CDH13: variants seen among roughly 807,000 people sequenced by gnomAD.
CDH13 encodes the protein cadherin 13.
A neutral mutation model predicts 63.8 loss-of-function variants in CDH13; 24 were observed. The observed-to-expected ratio is 0.38, with a 90% CI of 0.27 to 0.53. CDH13 has a LOEUF of 0.53. Ranked by LOEUF, CDH13 falls within the 20% of genes least tolerant of loss-of-function variation. The pLI, the probability that CDH13 is intolerant of heterozygous loss-of-function variation, is 0.85. For synonymous variants in CDH13, 503 were observed against 355.3 expected (o/e 1.42, Z -4.67); for missense variants, 1,049 against 903.1 (o/e 1.16, Z -2.07).
intron 8 of CDH13, among the ~76,000 whole-genome samples, chr16:83,629,635 A>C (rs1170892162): frequency 6.6e-6 from 1 of 152,198 alleles, no homozygotes; most frequent in Non-Finnish European, 1.5e-5. Flanking sequence ...TCTTTGCCTT[A>C]GAAAAAAAAT....
At chr16:83,143,833 C>T (rs906592924) in intron 4 of CDH13, among the ~76,000 whole-genome samples, 1 of 152,038 alleles carries the variant, frequency 6.6e-6, no homozygotes, top group Admixed American at 6.6e-5. Flanking sequence ...CTCTGCCTGA[C>T]TCTATTAAGA....
At chr16:83,000,518 G>C (rs1481839060) in intron 2 of CDH13, among the ~76,000 whole-genome samples, 3 of 149,654 alleles carry the variant, frequency 2.0e-5, no homozygotes, top group Non-Finnish European at 4.4e-5. Context: ...AAAGTGCTAG[G>C]ATTACAGGTG....
chr16:83,444,975 A>G (rs2072630050), intron 6 of CDH13, among the ~76,000 whole-genome samples: 1 of 152,200 alleles, frequency 6.6e-6, no homozygotes, highest in Non-Finnish European at 1.5e-5. Context: ...AAAGGATGGC[A>G]TTGTTTATCC....
At chr16:83,278,824 G>C (rs2089073496) in intron 5 of CDH13, among the ~76,000 whole-genome samples, 1 of 152,204 alleles carries the variant, frequency 6.6e-6, no homozygotes, top group Admixed American at 6.5e-5. Flanking sequence ...AGGCTGAAAA[G>C]AGAAGCAGTG....
chr16:83,046,693 A>G (rs1917814221), intron 3 of CDH13, among the ~76,000 whole-genome samples: 1 of 152,136 alleles, frequency 6.6e-6, no homozygotes, highest in Non-Finnish European at 1.5e-5. Flanking sequence ...CTCAGAGGCA[A>G]AAGGGCTCAA....
At chr16:83,678,160 C>T in intron 9 of CDH13, 48 bp from the exon 10 acceptor site, 6 of 1,568,704 alleles carry the variant, frequency 3.8e-6, no homozygotes, top group Admixed American at 1.8e-5. Context: ...AAACCACCTG[C>T]CTTTTGTGGC....
At chr16:82,627,577 C>G (rs1029531597) in intron 1 of CDH13, among the ~76,000 whole-genome samples, 4 of 152,098 alleles carry the variant, frequency 2.6e-5, no homozygotes, top group African/African-American at 9.7e-5. Context: ...AAGCGCTGCT[C>G]GGGTCCGGAT....
chr16:82,762,113 C>T (rs186271989), intron 1 of CDH13, among the ~76,000 whole-genome samples: 12 of 152,264 alleles, frequency 7.9e-5, no homozygotes, highest in African/African-American at 2.6e-4. Flanking sequence ...GAGAGAGTAC[C>T]TTGGACTGCT....
At chr16:82,724,843 T>C (rs2033000064) in intron 1 of CDH13, among the ~76,000 whole-genome samples, 1 of 152,132 alleles carries the variant, frequency 6.6e-6, no homozygotes. Flanking sequence ...GTCAGACTGA[T>C]CGTACACCCT....
chr16:83,659,147 G>T (rs918140083), intron 8 of CDH13, among the ~76,000 whole-genome samples: 1 of 146,404 alleles, frequency 6.8e-6, no homozygotes, highest in Non-Finnish European at 1.5e-5. Context: ...CACCAGCAAG[G>T]TCCCATGTCC....
At chr16:83,479,201 G>T (rs190092046) in intron 6 of CDH13, among the ~76,000 whole-genome samples, 41 of 151,870 alleles carry the variant, frequency 2.7e-4, no homozygotes, top group Admixed American at 2.3e-3. Flanking sequence ...TTCCTAACAA[G>T]ATTTTAAGTA....
chr16:83,419,048 C>T (rs1314505468), intron 6 of CDH13, among the ~76,000 whole-genome samples: 3 of 152,156 alleles, frequency 2.0e-5, no homozygotes, highest in African/African-American at 7.2e-5. Context: ...CCAAGCAGCA[C>T]TCTGTGCCCT....
chr16:82,802,086 C>A (rs2036886826), intron 1 of CDH13, among the ~76,000 whole-genome samples: 1 of 144,368 alleles, frequency 6.9e-6, no homozygotes, highest in African/African-American at 2.7e-5. Context: ...ACTGGGGCAG[C>A]TCACTGGGTT....
chr16:83,690,522 C>T (rs1474141457), intron 10 of CDH13, among the ~76,000 whole-genome samples: 1 of 151,984 alleles, frequency 6.6e-6, no homozygotes, highest in African/African-American at 2.4e-5. Context: ...GAAATGAGGC[C>T]GATGCTCCGG....
At chr16:82,959,511 C>G (rs1244058629) in intron 2 of CDH13, among the ~76,000 whole-genome samples, 1 of 152,134 alleles carries the variant, frequency 6.6e-6, no homozygotes, top group Non-Finnish European at 1.5e-5. Flanking sequence ...AGGCTCACAG[C>G]CCCTTCCTTC....
At chr16:83,447,472 G>T (rs2072742640) in intron 6 of CDH13, among the ~76,000 whole-genome samples, 3 of 152,086 alleles carry the variant, frequency 2.0e-5, no homozygotes, top group Admixed American at 2.0e-4. Flanking sequence ...CTGTGGATCA[G>T]GACTGTGGAA....
intron 6 of CDH13, among the ~76,000 whole-genome samples, chr16:83,432,871 CA>C (rs2072166462): frequency 6.6e-6 from 1 of 152,186 alleles, no homozygotes; most frequent in African/African-American, 2.4e-5. Context: ...GTGTAGTGTT[CA>C]AAGAAAACTT....
At chr16:82,656,782 T>G (rs1911344859) in intron 1 of CDH13, among the ~76,000 whole-genome samples, 1 of 152,190 alleles carries the variant, frequency 6.6e-6, no homozygotes, top group Admixed American at 6.5e-5. Flanking sequence ...CGATCTTTCT[T>G]CTATTTCCAT....
intron 1 of CDH13, among the ~76,000 whole-genome samples, chr16:82,830,583 C>G (rs934083740): frequency 6.6e-6 from 1 of 152,214 alleles, no homozygotes; most frequent in Non-Finnish European, 1.5e-5. Flanking sequence ...GATGTGCTCT[C>G]TTCTTTCCTC....
Sources: allele counts gnomAD v4.1 joint callset (sites outside exome capture counted in the v4.1 genomes callset), GRCh38; gene constraint gnomAD v4.1.1; transcripts MANE v1.5; gene names NCBI Gene and HGNC (gene_info 2026-07-23, HGNC 2026-07-21).